PRKG1: variants seen among roughly 807,000 people sequenced by gnomAD.
PRKG1 encodes the protein cGMP-dependent protein kinase 1.
In PRKG1, 35 loss-of-function variants were observed where a neutral mutation model predicts 88.1. The observed-to-expected ratio is 0.40, with a 90% CI of 0.30 to 0.53. The LOEUF (loss-of-function observed/expected upper bound fraction) is 0.53, where lower values mean the gene tolerates loss of function less well. Among genes scored for constraint, PRKG1 ranks in the 20% least tolerant of loss-of-function variants. The probability of loss-of-function intolerance (pLI) is 0.59; values close to 1 mark genes in which losing one functional copy is unlikely to be tolerated. For synonymous variants in PRKG1, 303 were observed against 292.5 expected (o/e 1.04, Z -0.37); for missense variants, 540 against 839.8 (o/e 0.64, Z 4.41).
intron 3 of PRKG1, among the ~76,000 whole-genome samples, chr10:51,586,225 T>TA (rs1554823644): frequency 6.6e-6 from 1 of 152,204 alleles, no homozygotes; most frequent in South Asian, 2.1e-4. Flanking sequence ...CATTCATCTT[T>TA]AATTTGTTCA....
intron 8 of PRKG1, among the ~76,000 whole-genome samples, chr10:52,140,645 C>A (rs557675334): frequency 1.2e-3 from 183 of 152,038 alleles, no homozygotes; most frequent in African/African-American, 4.3e-3. Context: ...GATAACATAC[C>A]CCTGAGGAAT....
chr10:51,273,990 GC>G (rs1840050273), intron 2 of PRKG1, among the ~76,000 whole-genome samples: 1 of 152,188 alleles, frequency 6.6e-6, no homozygotes, highest in South Asian at 2.1e-4. Context: ...GCCTCCATGA[GC>G]TTTGGCATTT....
At chr10:51,865,116 G>A (rs1277733656) in intron 4 of PRKG1, among the ~76,000 whole-genome samples, 1 of 152,068 alleles carries the variant, frequency 6.6e-6, no homozygotes, top group Non-Finnish European at 1.5e-5. Context: ...TAGTGTTGCT[G>A]AATATCAGAG....
chr10:51,647,618 C>G (rs1252286187), intron 3 of PRKG1, among the ~76,000 whole-genome samples: 4 of 152,170 alleles, frequency 2.6e-5, no homozygotes, highest in African/African-American at 7.2e-5. Flanking sequence ...GTATTGTACT[C>G]TAACACAGTC....
intron 4 of PRKG1, among the ~76,000 whole-genome samples, chr10:51,833,831 A>C (rs1166828270): frequency 6.6e-6 from 1 of 152,152 alleles, no homozygotes; most frequent in Non-Finnish European, 1.5e-5. Flanking sequence ...TTGTTGACCA[A>C]TGTCTGCCCT....
intron 1 of PRKG1, among the ~76,000 whole-genome samples, chr10:51,115,621 C>T (rs574547479): frequency 1.2e-4 from 18 of 151,270 alleles, no homozygotes; most frequent in Non-Finnish European, 1.5e-4. Flanking sequence ...GGGAGGATCA[C>T]GAGGTCAAGA....
Position 51,168,335 on chromosome 10 carries a change from A to G in PRKG1, c.478+15005A>G, listed in dbSNP as rs886817541. 7.2e-5 allele frequency among the ~76,000 whole-genome samples: 11 copies of G among 152,166 alleles called. 1 individual carries two copies. Among genetic ancestry groups the G allele is most frequent in the Admixed American group, 6.5e-4 (10 of 15,272 alleles). On this transcript the variant is annotated intron_variant, in intron 2 of 17. Coordinates refer to ENST00000373980, the MANE Select transcript of PRKG1 (RefSeq NM_006258.4). ...CTGCCTTCTGTTAAGCTAGACATCA[A>G]TTAGATTTCTCCAAAGTGTAAAACA...
chr10:51,627,965 T>C lies in PRKG1; in HGVS notation c.592+160129T>C, dbSNP rs1233794334. On this transcript the variant is annotated intron_variant, in intron 3 of 17. Coordinates refer to ENST00000373980, the MANE Select transcript of PRKG1 (RefSeq NM_006258.4). ...TCCTTTCTTTCTTTCTTTCTTTCTTTCTTTCTCTTTCTTTCTTTCTTTCTT... is the reference window on the plus strand; with the variant it reads ...TCCTTTCTTTCTTTCTTTCTTTCTTCCTTTCTCTTTCTTTCTTTCTTTCTT... 1.0e-3 allele frequency among the ~76,000 whole-genome samples: 29 copies of C among 28,546 alleles called. No homozygotes were observed. In the South Asian group the frequency reaches 0.014, roughly 14 times the overall value. 18.7% of individuals were successfully genotyped at this position (28,546 alleles called of 152,430 possible). A position where few individuals can be genotyped will look rare whatever the true frequency, so the allele number is the denominator to read the frequency against.
At chr10:51,978,510 A>C (rs1217928564) in intron 5 of PRKG1, among the ~76,000 whole-genome samples, 1 of 148,266 alleles carries the variant, frequency 6.7e-6, no homozygotes, top group Non-Finnish European at 1.5e-5. Context: ...TGTCATTGGT[A>C]GTTTGATAGG....
At chr10:51,698,165 C>A (rs753520233) in intron 3 of PRKG1, 28 of 1,614,120 alleles carry the variant, frequency 1.7e-5, no homozygotes, top group Non-Finnish European at 2.4e-5. Context: ...GGGGACAGGG[C>A]CCCTCATCTC....
At chr10:51,795,821 G>A (rs2132592919) in intron 3 of PRKG1, among the ~76,000 whole-genome samples, 1 of 152,160 alleles carries the variant, frequency 6.6e-6, no homozygotes, top group South Asian at 2.1e-4. Context: ...CTTTCTTCCT[G>A]TGCCAAGCCC....
intron 2 of PRKG1, among the ~76,000 whole-genome samples, chr10:51,224,240 G>A (rs184316759): frequency 6.2e-4 from 94 of 152,324 alleles, no homozygotes; most frequent in African/African-American, 2.2e-3. Context: ...AGTTCCTTCT[G>A]TCAGTTTAGG....
At chr10:51,676,783 G>A (rs1467102861) in intron 3 of PRKG1, among the ~76,000 whole-genome samples, 1 of 152,134 alleles carries the variant, frequency 6.6e-6, no homozygotes, top group African/African-American at 2.4e-5. Flanking sequence ...TAAAGTAATA[G>A]CGGGTGTCTC....
intron 2 of PRKG1, among the ~76,000 whole-genome samples, chr10:51,374,093 A>AAAAAAAAATATAT: frequency 1.0e-4 from 10 of 100,138 alleles, no homozygotes; most frequent in African/African-American, 1.0e-4. Flanking sequence ...AAAAAAAAAA[A>AAAAAAAAATATAT]ATATATATAT....
At chr10:51,693,696 CCG>C (rs1197213833) in intron 3 of PRKG1, among the ~76,000 whole-genome samples, 1 of 152,014 alleles carries the variant, frequency 6.6e-6, no homozygotes, top group Non-Finnish European at 1.5e-5. Flanking sequence ...GCCACCATGC[CCG>C]ACTCCCAAGT....
intron 3 of PRKG1, among the ~76,000 whole-genome samples, chr10:51,707,099 G>A (rs1287573952): frequency 6.6e-6 from 1 of 152,014 alleles, no homozygotes; most frequent in African/African-American, 2.4e-5. Flanking sequence ...TTAGCCTTTG[G>A]TAGATTTGTA....
At chr10:51,160,234 T>C (rs1472525581) in intron 2 of PRKG1, among the ~76,000 whole-genome samples, 2 of 152,228 alleles carry the variant, frequency 1.3e-5, no homozygotes, top group African/African-American at 4.8e-5. Flanking sequence ...CTTTTACTTA[T>C]ATAAATCTAA....
chr10:51,663,767 G>A (rs1265051682), intron 3 of PRKG1, among the ~76,000 whole-genome samples: 7 of 148,736 alleles, frequency 4.7e-5, no homozygotes, highest in South Asian at 2.1e-4. Flanking sequence ...CTTAGATATA[G>A]CAATGGAATA....
chr10:51,138,701 T>TTTTTTA (rs1845752736), intron 1 of PRKG1, among the ~76,000 whole-genome samples: 1 of 144,822 alleles, frequency 6.9e-6, no homozygotes, highest in Admixed American at 6.9e-5. Context: ...TTTTTTTTTT[T>TTTTTTA]GAGACAGAGT....
Sources: gnomAD v4.1 joint callset for allele counts (sites outside exome capture counted in the v4.1 genomes callset) on GRCh38, gnomAD v4.1.1 for gene constraint, MANE v1.5 for transcripts, NCBI Gene and HGNC (gene_info 2026-07-23, HGNC 2026-07-21) for gene names.